The following COBL variants were observed in gnomAD, a reference collection of about 807,000 sequenced individuals.
The protein encoded by COBL is cordon-bleu WH2 repeat protein, also known as protein cordon-bleu.
In COBL, 51 loss-of-function variants were observed where a neutral mutation model predicts 98.8. The observed-to-expected ratio is 0.52, with a 90% confidence interval of 0.41 to 0.65. The LOEUF is 0.65. Among genes scored for constraint, COBL ranks in the 30% least tolerant of loss-of-function variants. COBL has a pLI of 0.00. For synonymous variants in COBL, 634 were observed against 651.7 expected, an observed-to-expected ratio of 0.97 and a Z score of 0.41; for missense variants, 1,617 against 1,617.5, an observed-to-expected ratio of 1.00 and a Z score of 0.01.
intron 6 of COBL, among the ~76,000 whole-genome samples, chr7:51,111,767 T>C (rs1242688456): frequency 1.3e-5 from 2 of 152,242 alleles, no homozygotes; most frequent in African/African-American, 4.8e-5. Flanking sequence ...TGTATCCATC[T>C]GTGCTGCTCA....
chr7:51,051,322 T>C (rs931437159), intron 7 of COBL, among the ~76,000 whole-genome samples: 1 of 152,248 alleles, frequency 6.6e-6, no homozygotes, highest in Non-Finnish European at 1.5e-5. Context: ...ATTTTTAAAA[T>C]TTTTACCTGA....
Position 51,016,229 on chromosome 7 carries a change from T to C in COBL, c.*1322A>G, listed in dbSNP as rs1229106818. 1 of 152,210 alleles carries C rather than the reference T, an allele frequency of 6.6e-6. No homozygotes were observed. The highest frequency in any genetic ancestry group is 1.5e-5 in the Non-Finnish European group (1 of 68,044). The allele number at this position is 152,210 out of a possible 1,614,324, so 9.4% of individuals were successfully genotyped here. On this transcript the variant is annotated 3_prime_UTR_variant, in exon 13 of 13. Transcript: ENST00000265136. ...ACAACAGCTAAGATTTGATTTTCTTTTATTTGTGGCACTAAAAGACAGATA... is the reference window on the plus strand; with the variant it reads ...ACAACAGCTAAGATTTGATTTTCTTCTATTTGTGGCACTAAAAGACAGATA...
At chr7:51,248,013 C>A (rs1796403212) in intron 1 of COBL, among the ~76,000 whole-genome samples, 1 of 151,926 alleles carries the variant, frequency 6.6e-6, no homozygotes, top group African/African-American at 2.4e-5. Flanking sequence ...GTGGTGCACG[C>A]CTATAATCCC....
rs1340778007 is a variant in COBL, at chr7:51,160,894, G to A, written c.783+23208C>T. On this transcript the variant is annotated intron_variant, in intron 5 of 12. Transcript: ENST00000265136. ...AAACCTGCCATATGCAATTTATTTTGTTTTGAATATAAAGCTTTTTTTTTT... is the reference window on the plus strand; with the variant it reads ...AAACCTGCCATATGCAATTTATTTTATTTTGAATATAAAGCTTTTTTTTTT... Among the ~76,000 whole-genome samples the A allele has an allele frequency of 2.6e-5, 4 of 151,144 alleles. No homozygotes were observed. The South Asian group carries it at 6.3e-4, about 24-fold the overall frequency.
chr7:51,259,544 G>C (rs1319606209), intron 1 of COBL: 1 of 697,950 alleles, frequency 1.4e-6, no homozygotes, highest in Admixed American at 1.8e-5. Flanking sequence ...CTGAGAAGTG[G>C]AAAGGGCGCA....
intron 11 of COBL, 77 bp downstream of exon 11, chr7:51,026,469 C>A: frequency 6.4e-7 from 1 of 1,559,888 alleles, no homozygotes; most frequent in Non-Finnish European, 8.7e-7. Context: ...GCTTCTGCAG[C>A]CACCACCCAA....
intron 7 of COBL, chr7:51,065,483 C>A (rs1324755292): frequency 1.5e-6 from 1 of 681,118 alleles, no homozygotes; most frequent in South Asian, 1.6e-5. Context: ...AAAGTCAGGG[C>A]AGAGGCCGAA....
chr7:51,139,871 GC>G (rs1309812609), intron 5 of COBL, among the ~76,000 whole-genome samples: 1 of 152,116 alleles, frequency 6.6e-6, no homozygotes, highest in South Asian at 2.1e-4. Context: ...AAACAGCTTG[GC>G]CCCCCCTATT....
intron 2 of COBL, among the ~76,000 whole-genome samples, chr7:51,198,954 A>G (rs1563027299): frequency 6.6e-6 from 1 of 152,218 alleles, no homozygotes; most frequent in Non-Finnish European, 1.5e-5. Flanking sequence ...TGGCAGGCTC[A>G]TAGGCTTTGG....
At chr7:51,234,048 A>G (rs1161967386) in intron 1 of COBL, among the ~76,000 whole-genome samples, 1 of 152,240 alleles carries the variant, frequency 6.6e-6, no homozygotes, top group Non-Finnish European at 1.5e-5. Flanking sequence ...AAAGCAGAAA[A>G]GAAGGGTATG....
chr7:51,212,363 A>G (rs1171474961), intron 2 of COBL, among the ~76,000 whole-genome samples: 4 of 152,184 alleles, frequency 2.6e-5, no homozygotes, highest in Non-Finnish European at 5.9e-5. Flanking sequence ...CAGAGGGGCC[A>G]CTGCCCCTCA....
chr7:51,085,493 G>A (rs1027705795), intron 6 of COBL, among the ~76,000 whole-genome samples, 189 bp from the exon 7 acceptor site: 1 of 152,176 alleles, frequency 6.6e-6, no homozygotes, highest in African/African-American at 2.4e-5. Context: ...TGAGGCGAGA[G>A]ACCAGCGGAT....
At chr7:51,311,487 A>G (rs1803035168) in intron 1 of COBL, among the ~76,000 whole-genome samples, 1 of 152,248 alleles carries the variant, frequency 6.6e-6, no homozygotes, top group African/African-American at 2.4e-5. Context: ...GAAAGTATTG[A>G]CCATCCTTAG....
At chr7:51,278,717 G>C (rs1232813636) in intron 1 of COBL, among the ~76,000 whole-genome samples, 2 of 152,156 alleles carry the variant, frequency 1.3e-5, no homozygotes, top group Non-Finnish European at 2.9e-5. Flanking sequence ...AATCCAGGCA[G>C]TGATAGACCA....
chr7:51,265,749 C>G (rs1798145698), intron 1 of COBL, among the ~76,000 whole-genome samples: 1 of 152,208 alleles, frequency 6.6e-6, no homozygotes, highest in South Asian at 2.1e-4. Context: ...TCCCTCCCTG[C>G]CCCGGCTCTC....
rs535011559 is a variant in COBL at position 51,271,189 on chromosome 7, G to A, written c.41+45404C>T. ...CTCCATATAATGGCAGGGTTGCGTC[G>A]TCACCAGAAACACAGGGCCACAAAG... On this transcript the variant is annotated intron_variant, in intron 1 of 12. Coordinates refer to ENST00000265136, the MANE Select transcript of COBL (RefSeq NM_015198.5). 9.1e-4 allele frequency among the ~76,000 whole-genome samples: 139 copies of A among 152,270 alleles called. 2 individuals are homozygous for A. In the South Asian group the frequency reaches 0.025, roughly 27 times the overall value.
At chr7:51,163,587 A>T (rs1787022282) in intron 5 of COBL, among the ~76,000 whole-genome samples, 1 of 152,230 alleles carries the variant, frequency 6.6e-6, no homozygotes, top group Non-Finnish European at 1.5e-5. Context: ...TTCATAGGAA[A>T]AGTCACCCTT....
At chr7:51,296,672 C>A (rs958758745) in intron 1 of COBL, among the ~76,000 whole-genome samples, 2 of 152,116 alleles carry the variant, frequency 1.3e-5, no homozygotes, top group Non-Finnish European at 2.9e-5. Flanking sequence ...TGTTTGCTTG[C>A]AAGGATGTAT....
chr7:51,042,116 T>C (rs1467803091), intron 8 of COBL, among the ~76,000 whole-genome samples: 1 of 152,130 alleles, frequency 6.6e-6, no homozygotes, highest in East Asian at 1.9e-4. Flanking sequence ...GAGAGCAGTT[T>C]TACAAGAAAT....
Sources: gnomAD v4.1 joint callset for allele counts (sites outside exome capture counted in the v4.1 genomes callset) on GRCh38, gnomAD v4.1.1 for gene constraint, MANE v1.5 for transcripts, NCBI Gene and HGNC (gene_info 2026-07-23, HGNC 2026-07-21) for gene names.